The following LPP variants were observed in gnomAD, a reference collection of about 807,000 sequenced individuals.
LPP encodes the protein LIM domain containing preferred translocation partner in lipoma, also known as lipoma-preferred partner.
A neutral mutation model predicts 60.4 loss-of-function variants in LPP; 38 were observed. The ratio of observed to expected loss-of-function variants is 0.63; its 90% confidence interval spans 0.49 to 0.83. The LOEUF (loss-of-function observed/expected upper bound fraction) is 0.83. LPP is among the 40% of genes least tolerant of loss of function. The probability of loss-of-function intolerance (pLI) is 0.00; values close to 1 mark genes in which losing one functional copy is unlikely to be tolerated. For missense variants in LPP, 902 were observed against 783.6 expected (o/e 1.15, Z -1.80); for synonymous variants, 328 against 290.8 (o/e 1.13, Z -1.30).
At chr3:188,445,674 A>C (rs1434373511) in intron 4 of LPP, among the ~76,000 whole-genome samples, 1 of 152,170 alleles carries the variant, frequency 6.6e-6, no homozygotes, top group East Asian at 1.9e-4. Context: ...TGATTCATTC[A>C]TTCATTTATT....
intron 5 of LPP, among the ~76,000 whole-genome samples, chr3:188,517,471 A>G (rs1350979043): frequency 2.0e-5 from 3 of 152,226 alleles, no homozygotes; most frequent in African/African-American, 4.8e-5. Context: ...TTAATCCCCA[A>G]TATTTAGATG....
chr3:188,249,176 A>T (rs1187071492), intron 2 of LPP, among the ~76,000 whole-genome samples: 1 of 152,160 alleles, frequency 6.6e-6, no homozygotes, highest in African/African-American at 2.4e-5. Flanking sequence ...AGCAGGGAGG[A>T]TAGCTTGAGT....
intron 7 of LPP, among the ~76,000 whole-genome samples, chr3:188,678,230 C>T (rs1450075434): frequency 6.6e-6 from 1 of 152,222 alleles, no homozygotes; most frequent in Admixed American, 6.5e-5. Flanking sequence ...TTCCTCAATT[C>T]TGAATGAATG....
At chr3:188,407,795 T>TG (rs1251599550) in intron 4 of LPP, among the ~76,000 whole-genome samples, 3 of 137,458 alleles carry the variant, frequency 2.2e-5, no homozygotes, top group African/African-American at 5.4e-5. Context: ...TTTGTTTTTT[T>TG]TTTTTTTTTT....
intron 2 of LPP, among the ~76,000 whole-genome samples, chr3:188,286,837 A>G (rs1165623560): frequency 1.3e-5 from 2 of 152,202 alleles, no homozygotes; most frequent in Non-Finnish European, 2.9e-5. Flanking sequence ...TCGAGGACAC[A>G]TTAATAGTAA....
chr3:188,509,624 CCCTTCCTTCCTT>C lies in LPP; in HGVS notation c.307-14989_307-14978del, dbSNP rs1166656652. On this transcript the variant is annotated intron_variant, in intron 5 of 11. Coordinates refer to ENST00000617246, the MANE Select transcript of LPP (RefSeq NM_001375462.1). ...ATTCAACTTTTCATTTTTTTTTGTC[CCCTTCCTTCCTT>C]CCTTCCTTCCTTCCTTCCTTCCTTC... is the stretch of plus-strand genomic sequence containing the variant. Among the ~76,000 whole-genome samples the C allele has an allele frequency of 3.1e-3, 358 of 116,890 alleles. 16 individuals are homozygous for C. The highest frequency in any genetic ancestry group is 0.011 in the African/African-American group (312 of 29,194). The allele number at this position is 116,890 out of a possible 152,430, so 76.7% of individuals were successfully genotyped here.
chr3:188,342,695 G>A (rs1299070980), intron 3 of LPP, among the ~76,000 whole-genome samples: 1 of 152,128 alleles, frequency 6.6e-6, no homozygotes, highest in African/African-American at 2.4e-5. Flanking sequence ...AGACCTTTGA[G>A]AAGAATAAAA....
chr3:188,872,591 C>T, intron 10 of LPP, 52 bp from the exon 11 acceptor site: 1 of 1,607,652 alleles, frequency 6.2e-7, no homozygotes, highest in Non-Finnish European at 8.5e-7. Context: ...CTCTGCGTCC[C>T]ACCTCAGTGT....
At chr3:188,783,305 A>C (rs781056061) in intron 9 of LPP, among the ~76,000 whole-genome samples, 3 of 152,192 alleles carry the variant, frequency 2.0e-5, no homozygotes, top group Non-Finnish European at 4.4e-5. Context: ...GAATCAACTT[A>C]AATGCCCATC....
intron 6 of LPP, among the ~76,000 whole-genome samples, chr3:188,532,161 C>G (rs1349376470): frequency 6.6e-6 from 1 of 152,144 alleles, no homozygotes; most frequent in Non-Finnish European, 1.5e-5. Context: ...AATCCCAGCA[C>G]TTTGGGAGGC....
intron 5 of LPP, among the ~76,000 whole-genome samples, chr3:188,495,082 A>ATATATATATAT (rs1342207321): frequency 1.5e-4 from 15 of 97,232 alleles, no homozygotes; most frequent in African/African-American, 2.8e-4. Flanking sequence ...ATATATATAT[A>ATATATATATAT]TTTTATTTAT....
intron 7 of LPP, among the ~76,000 whole-genome samples, chr3:188,627,873 A>G (rs1847146042): frequency 6.6e-6 from 1 of 152,132 alleles, no homozygotes; most frequent in Non-Finnish European, 1.5e-5. Context: ...TCATAAAGCA[A>G]TTCTCAAAGA....
chr3:188,573,997 C>T (rs1012941857), intron 6 of LPP, among the ~76,000 whole-genome samples: 1 of 152,132 alleles, frequency 6.6e-6, no homozygotes, highest in African/African-American at 2.4e-5. Context: ...CTCCGTAGCT[C>T]CAACTGTAAT....
chr3:188,751,417 A>T (rs369221451), intron 8 of LPP, among the ~76,000 whole-genome samples: 1 of 152,262 alleles, frequency 6.6e-6, no homozygotes, highest in African/African-American at 2.4e-5. Flanking sequence ...AATTCTAAAT[A>T]TAGAAGACTG....
At chr3:188,187,422 TTTTG>T (rs778603750) in intron 1 of LPP, among the ~76,000 whole-genome samples, 4 of 152,104 alleles carry the variant, frequency 2.6e-5, no homozygotes, top group African/African-American at 4.8e-5. Flanking sequence ...TCATTCTACA[TTTTG>T]TTTATTTTAT....
intron 5 of LPP, among the ~76,000 whole-genome samples, chr3:188,511,191 C>T (rs1815450145): frequency 7.9e-6 from 1 of 126,506 alleles, no homozygotes; most frequent in Non-Finnish European, 1.6e-5. Context: ...TGACTCTCTC[C>T]CTCCCTCCTT....
chr3:188,324,280 T>C (rs1366923501), intron 2 of LPP, among the ~76,000 whole-genome samples: 1 of 152,226 alleles, frequency 6.6e-6, no homozygotes, highest in African/African-American at 2.4e-5. Context: ...GTAATTTCTT[T>C]TTGCCACATC....
At chr3:188,422,326 T>C (rs1788023149) in intron 4 of LPP, among the ~76,000 whole-genome samples, 3 of 152,270 alleles carry the variant, frequency 2.0e-5, no homozygotes, top group South Asian at 4.1e-4. Context: ...AAATAGTCTG[T>C]TTTCTAGTGT....
intron 4 of LPP, 50 bp downstream of exon 4, chr3:188,406,363 T>A: frequency 1.3e-6 from 2 of 1,503,324 alleles, no homozygotes; most frequent in Non-Finnish European, 1.8e-6. Flanking sequence ...AAAATTCAGT[T>A]ATATAGGTGA....
Sources: allele counts gnomAD v4.1 joint callset (sites outside exome capture counted in the v4.1 genomes callset), GRCh38; gene constraint gnomAD v4.1.1; transcripts MANE v1.5; gene names NCBI Gene and HGNC (gene_info 2026-07-23, HGNC 2026-07-21).